Variants in AOAH observed in about 807,000 individuals in gnomAD.
AOAH encodes acyloxyacyl hydrolase (neutrophil).
A neutral mutation model predicts 92.2 loss-of-function variants in AOAH; 64 were observed. The ratio of observed to expected loss-of-function variants is 0.69; its 90% CI spans 0.57 to 0.86. AOAH has a LOEUF of 0.86. Among genes scored for constraint, AOAH ranks in the 40% least tolerant of loss-of-function variants. The probability of loss-of-function intolerance (pLI) is 0.00; values close to 1 mark genes in which losing one functional copy is unlikely to be tolerated. For synonymous variants in AOAH, 263 were observed against 254.5 expected, an observed-to-expected ratio of 1.03 and a Z score of -0.32; for missense variants, 656 against 694.6, an observed-to-expected ratio of 0.94 and a Z score of 0.62.
chr7:36,521,554 G>A (rs1195654333), intron 20 of AOAH, among the ~76,000 whole-genome samples: 1 of 152,282 alleles, frequency 6.6e-6, no homozygotes, highest in Non-Finnish European at 1.5e-5. Context: ...AGCTCTTACT[G>A]CAGGATACTG....
chr7:36,661,634 G>A (rs1795219155), intron 3 of AOAH, among the ~76,000 whole-genome samples: 1 of 152,054 alleles, frequency 6.6e-6, no homozygotes, highest in South Asian at 2.1e-4. Context: ...TTCTCTCCCT[G>A]AGCCTCCTCC....
intron 16 of AOAH, 147 bp downstream of exon 16, chr7:36,540,172 G>C (rs776493271): frequency 4.5e-6 from 3 of 673,336 alleles, no homozygotes; most frequent in Non-Finnish European, 7.1e-6. Context: ...TTTAGATACT[G>C]CACCTAGGGG....
chr7:36,706,471 C>T (rs1798417255), intron 1 of AOAH, among the ~76,000 whole-genome samples: 2 of 152,086 alleles, frequency 1.3e-5, no homozygotes, highest in Admixed American at 1.3e-4. Context: ...TAGAAAAATT[C>T]CTAAGGGCCC....
At chr7:36,639,209 AC>A (rs1453438141) in intron 4 of AOAH, among the ~76,000 whole-genome samples, 11 of 152,310 alleles carry the variant, frequency 7.2e-5, no homozygotes, top group Non-Finnish European at 1.3e-4. Flanking sequence ...ATTCTAGCAA[AC>A]CCTAAAATTC....
At chr7:36,577,388 G>A (rs187267047) in intron 12 of AOAH, among the ~76,000 whole-genome samples, 19 of 152,290 alleles carry the variant, frequency 1.2e-4, no homozygotes, top group Admixed American at 8.5e-4. Context: ...TAAGGTTGAC[G>A]TTGAGAAGGC....
At chr7:36,581,665 A>T (rs1788938683) in intron 12 of AOAH, among the ~76,000 whole-genome samples, 1 of 152,210 alleles carries the variant, frequency 6.6e-6, no homozygotes, top group African/African-American at 2.4e-5. Flanking sequence ...ATACCAAAAT[A>T]TTGTTTTGCT....
At chr7:36,517,823 ACTC>A (rs533615146) in intron 20 of AOAH, among the ~76,000 whole-genome samples, 5 of 151,078 alleles carry the variant, frequency 3.3e-5, no homozygotes, top group East Asian at 3.9e-4. Context: ...CTGGTCTCGA[ACTC>A]CTAGCCTCAG....
chr7:36,699,257 C>A (rs1320091570), intron 1 of AOAH, among the ~76,000 whole-genome samples: 1 of 152,072 alleles, frequency 6.6e-6, no homozygotes, highest in East Asian at 1.9e-4. Context: ...AATGGTGCTG[C>A]AGTAAACATG....
intron 12 of AOAH, among the ~76,000 whole-genome samples, chr7:36,576,989 G>A (rs966594227): frequency 3.3e-5 from 5 of 150,374 alleles, no homozygotes; most frequent in African/African-American, 7.3e-5. Flanking sequence ...CACCTTTACC[G>A]ACTCTGTTAT....
chr7:36,635,732 C>T (rs1352451711), intron 5 of AOAH, among the ~76,000 whole-genome samples: 21 of 152,238 alleles, frequency 1.4e-4, no homozygotes, highest in Admixed American at 5.2e-4. Flanking sequence ...GGGTACTGAA[C>T]GTGGAGATAG....
chr7:36,612,523 T>G (rs952081567), intron 11 of AOAH, among the ~76,000 whole-genome samples: 1 of 152,246 alleles, frequency 6.6e-6, no homozygotes, highest in African/African-American at 2.4e-5. Context: ...TGTACATATA[T>G]TCTTGAGCAG....
chr7:36,522,180 C>T, intron 19 of AOAH, 65 bp from the exon 20 acceptor site: 1 of 1,526,530 alleles, frequency 6.6e-7, no homozygotes, highest in Non-Finnish European at 9.1e-7. Context: ...TATCCAAGGA[C>T]AAGGACGTGA....
chr7:36,522,872 C>T lies in AOAH; in HGVS notation c.1523-757G>A, dbSNP rs2115846679. Among the ~76,000 whole-genome samples, 3 of 152,298 alleles carry T rather than the reference C, an allele frequency of 2.0e-5. 1 individual carries two copies. The Middle Eastern group carries it at 0.01, about 518-fold the overall frequency. ...CGTCCAGTGAGGGGGGCAGGCACAA[C>T]TAAGATTCCTCCCGTTCTTTACTCT... On this transcript the variant is annotated intron_variant, in intron 19 of 20. Transcript: ENST00000617537.
chr7:36,718,328 A>G (rs1460588454), intron 1 of AOAH, among the ~76,000 whole-genome samples: 4 of 152,202 alleles, frequency 2.6e-5, no homozygotes, highest in Non-Finnish European at 5.9e-5. Flanking sequence ...GAAGGTGGAG[A>G]AGTTACAACT....
At chr7:36,514,440 C>T in intron 20 of AOAH, 4 of 1,476,076 alleles carry the variant, frequency 2.7e-6, no homozygotes, top group Non-Finnish European at 3.7e-6. Flanking sequence ...ACACAGCAGG[C>T]TCGACTCTGG....
intron 1 of AOAH, among the ~76,000 whole-genome samples, chr7:36,720,797 T>TG (rs112666789): frequency 0.92 from 139,382 of 152,128 alleles, 64,055 homozygotes; most frequent in East Asian, 1. Flanking sequence ...TGTGTATCCC[T>TG]GCTCTCGCAT....
chr7:36,636,313 T>C (rs895001905), intron 5 of AOAH, among the ~76,000 whole-genome samples: 10 of 152,230 alleles, frequency 6.6e-5, no homozygotes, highest in Non-Finnish European at 1.3e-4. Flanking sequence ...CGAGTAATTG[T>C]TGGAATCCTG....
intron 1 of AOAH, among the ~76,000 whole-genome samples, chr7:36,687,836 G>T (rs909887830): frequency 2.0e-5 from 3 of 152,158 alleles, no homozygotes; most frequent in Non-Finnish European, 2.9e-5. Context: ...CTTGAGGGAA[G>T]GTGGCTGATA....
At chr7:36,618,447 G>GC in intron 9 of AOAH, 102 bp from the exon 10 acceptor site, 1 of 1,027,636 alleles carries the variant, frequency 9.7e-7, no homozygotes, top group Non-Finnish European at 1.5e-6. Flanking sequence ...AGGCAAATGA[G>GC]TAGATAAAAC....
Sources: gnomAD v4.1 joint callset for allele counts (sites outside exome capture counted in the v4.1 genomes callset) on GRCh38, gnomAD v4.1.1 for gene constraint, MANE v1.5 for transcripts, NCBI Gene and HGNC (gene_info 2026-07-23, HGNC 2026-07-21) for gene names.